The following PER3 variants were observed in gnomAD, a reference collection of about 807,000 sequenced individuals.
PER3 encodes the protein period circadian protein homolog 3.
In PER3, 107 loss-of-function variants were observed where a neutral mutation model predicts 127.2. That is an observed-to-expected ratio of 0.84 (90% CI 0.72 to 0.99). PER3 has a LOEUF of 0.99. PER3 is among the 50% of genes least tolerant of loss of function. PER3 has a pLI of 0.00. For missense variants in PER3, 1,560 were observed against 1,525.8 expected (o/e 1.02, Z -0.37); for synonymous variants, 618 against 585.8 (o/e 1.05, Z -0.79).
Position 7,835,788 on chromosome 1 carries a change from AC to A in PER3, c.3242del (p.Thr1081IlefsTer36). The A allele has an allele frequency of 6.2e-7, 1 of 1,612,050 alleles. No individual in the cohort carries two copies. Among genetic ancestry groups the A allele is most frequent in the Non-Finnish European group, 8.5e-7 (1 of 1,178,226 alleles). ...SGSSDSSIYL[T>X]SSVYSSKISQ... Reference sequence around the variant, plus strand: ...AAGCAGCGACAGCAGTATATACCTTACTAGTAGTGTTTATTCTTCTAAAATC... The same window carrying A: ...AAGCAGCGACAGCAGTATATACCTTATAGTAGTGTTTATTCTTCTAAAATC... On this transcript the variant is annotated frameshift_variant, in exon 20 of 22. Transcript: ENST00000377532. LOFTEE classifies it high-confidence loss of function.
chr1:7,829,835 AGT>A lies in PER3; in HGVS notation c.2893_2894del (p.Val965TyrfsTer7), dbSNP rs1312757051. Reference sequence around the variant, plus strand: ...TTTTCATGTGCCCTTACTTTCTAGCAGTGTGTTACAGGCAACAATGGCAGTGA... The same window carrying A: ...TTTTCATGTGCCCTTACTTTCTAGCAGTGTTACAGGCAACAATGGCAGTGA... On this transcript the variant is annotated frameshift_variant and splice_region_variant, in exon 19 of 22. Transcript: ENST00000377532. LOFTEE classifies it high-confidence loss of function. 1 of 1,610,288 alleles carries A rather than the reference AGT, an allele frequency of 6.2e-7. No homozygotes were observed. Among genetic ancestry groups the A allele is most frequent in the Non-Finnish European group, 8.5e-7 (1 of 1,176,732 alleles).
intron 5 of PER3, among the ~76,000 whole-genome samples, chr1:7,792,317 C>T (rs183699003): frequency 5.3e-5 from 8 of 152,242 alleles, no homozygotes; most frequent in Non-Finnish European, 8.8e-5. Context: ...ATCACGAGAA[C>T]GGGATGACGG....
At chr1:7,838,828 A>G (rs889065078) in intron 21 of PER3, among the ~76,000 whole-genome samples, 7 of 152,166 alleles carry the variant, frequency 4.6e-5, no homozygotes, top group African/African-American at 1.7e-4. Context: ...CTTTCAACCT[A>G]TCTGTATCTA....
intron 21 of PER3, among the ~76,000 whole-genome samples, chr1:7,840,996 A>G (rs1004401362): frequency 6.6e-6 from 1 of 151,960 alleles, no homozygotes; most frequent in African/African-American, 2.4e-5. Flanking sequence ...CTATTGGTTT[A>G]TTTTTCCCTT....
At chr1:7,819,568 G>A (rs1363188328) in intron 14 of PER3, 148 bp downstream of exon 14, 16 of 685,648 alleles carry the variant, frequency 2.3e-5, no homozygotes, top group African/African-American at 3.6e-5. Flanking sequence ...TAACACATAC[G>A]CTGAACATTT....
intron 6 of PER3, 139 bp from the exon 7 acceptor site, chr1:7,798,386 G>C (rs937845257): frequency 1.7e-5 from 11 of 652,342 alleles, no homozygotes; most frequent in African/African-American, 1.5e-4. Context: ...TCTTTCTTTT[G>C]AAAACAAACA....
chr1:7,812,304 A>G (rs912654500), intron 13 of PER3, among the ~76,000 whole-genome samples: 3 of 152,112 alleles, frequency 2.0e-5, no homozygotes, highest in Middle Eastern at 3.2e-3. Flanking sequence ...GTAGATGGCA[A>G]TATTCCATCA....
At chr1:7,798,367 C>G (rs1282791710) in intron 6 of PER3, among the ~76,000 whole-genome samples, 158 bp from the exon 7 acceptor site, 2 of 152,226 alleles carry the variant, frequency 1.3e-5, no homozygotes, top group African/African-American at 4.8e-5. Flanking sequence ...AAAATTTAAG[C>G]TAACATATTC....
In PER3 at chr1:7,827,889, A is replaced by T. The variant is rs1162717844; in HGVS notation, c.2886+74A>T. On this transcript the variant is annotated intron_variant, in intron 18 of 21. Transcript: ENST00000377532. ...CTAAAGTTAAGGTGGTTGCGTTGGG[A>T]CTCAGTGCTGACATTCTCAGTAGGT... 2.6e-6 allele frequency: 3 copies of T among 1,173,040 alleles called. No individual in the cohort carries two copies. The East Asian group carries it at 7.2e-5, about 28-fold the overall frequency. The allele number at this position is 1,173,040 out of a possible 1,614,324, so 72.7% of individuals were successfully genotyped here. A position where few individuals can be genotyped will look rare whatever the true frequency, so the allele number is the denominator to read the frequency against.
intron 4 of PER3, 137 bp downstream of exon 4, chr1:7,786,973 G>T: frequency 1.6e-6 from 1 of 631,986 alleles, no homozygotes; most frequent in Non-Finnish European, 2.9e-6. Context: ...CTGCTAAAGA[G>T]GCATGGTGTA....
chr1:7,784,641 C>T lies in PER3; in HGVS notation c.-224-13C>T, dbSNP rs1042071686. 32 of 420,482 alleles carry T rather than the reference C, an allele frequency of 7.6e-5. No homozygotes were observed. Among genetic ancestry groups the T allele is most frequent in the Non-Finnish European group, 1.1e-4 (26 of 239,210 alleles). 26.0% of individuals were successfully genotyped at this position (420,482 alleles called of 1,614,324 possible). Reference sequence around the variant, plus strand: ...TCCATTTGTCCCTTGTCACCCTTGTCTCCTCCCCCTAGGCCGGAGTCCTGA... The same window carrying T: ...TCCATTTGTCCCTTGTCACCCTTGTTTCCTCCCCCTAGGCCGGAGTCCTGA... On this transcript the variant is annotated splice_polypyrimidine_tract_variant and intron_variant, in intron 1 of 21. Coordinates refer to ENST00000377532, the MANE Select transcript of PER3 (RefSeq NM_001377275.1).
At chr1:7,801,937 T>G (rs1310130722) in intron 8 of PER3, among the ~76,000 whole-genome samples, 1 of 152,210 alleles carries the variant, frequency 6.6e-6, no homozygotes, top group Non-Finnish European at 1.5e-5. Context: ...AAACATTTTC[T>G]TGATAATTTT....
At position 7,837,052 on chromosome 1, in the gene PER3, A is replaced by G. The variant is rs1407481388; in HGVS notation, c.3452A>G (p.Gln1151Arg). 5 of 1,613,684 alleles carry G rather than the reference A, an allele frequency of 3.1e-6. No homozygotes were observed. Among genetic ancestry groups the G allele is most frequent in the East Asian group, 2.2e-5 (1 of 44,880 alleles). The change falls in exon 21 of 22, where the codon CAG (glutamine) becomes CGG (arginine). Residue 1151 changes from glutamine (Q) to arginine (R), a missense_variant. Physicochemically the swap from Gln to Arg is conservative, Grantham distance 43. This residue lies in a region of PER3 where 199 missense variants were observed against 198.6 expected (regional missense o/e 1.00). Coordinates refer to ENST00000377532, the MANE Select transcript of PER3 (RefSeq NM_001377275.1). ...CTGGAAAAGCTAGAAAGTATGAGGC[A>G]GCAGCAGCCCCAGTTTTCTCATGGG... ...EDLEKLESMR[Q>R]QQPQFSHGQK...
At position 7,788,527 on chromosome 1, in the gene PER3, GCT is replaced by G. The variant is rs1249749584; in HGVS notation, c.592+284_592+285del. 3 of 299,298 alleles carry G rather than the reference GCT, an allele frequency of 1.0e-5. No individual in the cohort carries two copies. The Admixed American group carries it at 1.4e-4, about 14-fold the overall frequency. 18.5% of individuals were successfully genotyped at this position (299,298 alleles called of 1,614,324 possible). ...GTATAGTGGTTTAGTTGCTATGAAGGCTCTGTTTCCTTTAAGTTAAAATTAAA... is the reference window on the plus strand; with the variant it reads ...GTATAGTGGTTTAGTTGCTATGAAGGCTGTTTCCTTTAAGTTAAAATTAAA... On this transcript the variant is annotated intron_variant, in intron 5 of 21. Coordinates refer to ENST00000377532, the MANE Select transcript of PER3 (RefSeq NM_001377275.1).
At chr1:7,801,775 T>C (rs1259564076) in intron 8 of PER3, among the ~76,000 whole-genome samples, 1 of 152,198 alleles carries the variant, frequency 6.6e-6, no homozygotes, top group East Asian at 1.9e-4. Context: ...TTTTTTAGTA[T>C]CTTTATTTGG....
At position 7,844,691 on chromosome 1, in the gene PER3, G is replaced by A. The variant is rs546347540; in HGVS notation, c.*1936G>A. 9.8e-5 allele frequency: 15 copies of A among 152,894 alleles called. No individual in the cohort carries two copies. The highest frequency in any genetic ancestry group is 6.5e-4 in the Admixed American group (10 of 15,308). 9.5% of individuals were successfully genotyped at this position (152,894 alleles called of 1,614,324 possible). On this transcript the variant is annotated 3_prime_UTR_variant, in exon 22 of 22. Transcript: ENST00000377532. ...GTTTGATTTGAAACTGGTGCTTGTCGCAGAACTGTCAGAGCATGAGGAGCG... is the reference window on the plus strand; with the variant it reads ...GTTTGATTTGAAACTGGTGCTTGTCACAGAACTGTCAGAGCATGAGGAGCG...
intron 10 of PER3, 178 bp downstream of exon 10, chr1:7,804,026 A>G (rs1025296366): frequency 2.0e-6 from 1 of 508,294 alleles, no homozygotes; most frequent in Non-Finnish European, 3.5e-6. Context: ...AGAAGTCATA[A>G]TATCAGCCTT....
chr1:7,805,862 A>G (rs1577741356), intron 10 of PER3, among the ~76,000 whole-genome samples: 1 of 152,372 alleles, frequency 6.6e-6, no homozygotes, highest in South Asian at 2.1e-4. Flanking sequence ...TATGCAACAT[A>G]TAATGAATAT....
At chr1:7,830,524 A>G (rs2097326502) in intron 19 of PER3, among the ~76,000 whole-genome samples, 1 of 152,038 alleles carries the variant, frequency 6.6e-6, no homozygotes, top group Non-Finnish European at 1.5e-5. Flanking sequence ...TGCTTTTCCT[A>G]TGATTTATGT....
Sources: gnomAD v4.1 joint callset for allele counts (sites outside exome capture counted in the v4.1 genomes callset) on GRCh38, gnomAD v4.1.1 for gene constraint, gnomAD v4.1.1 regional missense constraint, MANE v1.5 for transcripts, NCBI Gene and HGNC (gene_info 2026-07-23, HGNC 2026-07-21) for gene names.